Variants in CLASP1 observed in about 807,000 individuals in gnomAD.
The protein encoded by CLASP1 is cytoplasmic linker associated protein 1.
CLASP1 carries 38 observed loss-of-function variants against 192.3 expected under a neutral mutation model. The ratio of observed to expected loss-of-function variants is 0.20; its 90% CI spans 0.15 to 0.26. The LOEUF (loss-of-function observed/expected upper bound fraction) is 0.26. CLASP1 is among the 10% of genes least tolerant of loss of function. The probability of loss-of-function intolerance (pLI) is 1.00; values close to 1 mark genes in which losing one functional copy is unlikely to be tolerated. For synonymous variants in CLASP1, 691 were observed against 712.8 expected, an observed-to-expected ratio of 0.97 and a Z score of 0.49; for missense variants, 1,433 against 1,932.5, an observed-to-expected ratio of 0.74 and a Z score of 4.85.
exon 19 of CLASP1, chr2:121,447,410 T>G: frequency 6.4e-7 from 1 of 1,574,446 alleles, no homozygotes; most frequent in Non-Finnish European, 8.6e-7. Context: ...ATGAGGAGAC[T>G]TTGGATTTGG....
At chr2:121,414,356 G>A (rs527418243) in intron 23 of CLASP1, among the ~76,000 whole-genome samples, 153 bp from the exon 24 acceptor site, 1 of 152,298 alleles carries the variant, frequency 6.6e-6, no homozygotes, top group South Asian at 2.1e-4. Context: ...TGGACAGCAA[G>A]TGCCAATCCC....
intron 2 of CLASP1, among the ~76,000 whole-genome samples, chr2:121,580,621 G>A (rs1365188101): frequency 6.6e-6 from 1 of 152,102 alleles, no homozygotes; most frequent in Admixed American, 6.6e-5. Context: ...AACTACACTT[G>A]CTGCAGAGTG....
At chr2:121,503,071 C>T in intron 8 of CLASP1, 96 bp downstream of exon 8, 2 of 773,500 alleles carry the variant, frequency 2.6e-6, no homozygotes, top group Non-Finnish European at 4.2e-6. Flanking sequence ...CTTAGAAACT[C>T]TTACTAAATT....
chr2:121,598,102 T>A (rs2063354846), intron 2 of CLASP1, among the ~76,000 whole-genome samples: 1 of 152,222 alleles, frequency 6.6e-6, no homozygotes, highest in Non-Finnish European at 1.5e-5. Flanking sequence ...TTATTTTTAT[T>A]ATTTAATGTC....
intron 8 of CLASP1, among the ~76,000 whole-genome samples, chr2:121,497,383 A>C (rs1271580724): frequency 6.6e-6 from 1 of 152,216 alleles, no homozygotes; most frequent in Non-Finnish European, 1.5e-5. Context: ...TTTGTCTTTC[A>C]GCCAGAAGTA....
Position 121,456,624 on chromosome 2 carries a change from G to A in CLASP1, c.1385+1063C>T, listed in dbSNP as rs189565549. ...AAGGAAAGAAAATTTTTAAAAAGGCGGTCTCTGGCCAATTTGTTAAAAATA... is the reference window on the plus strand; with the variant it reads ...AAGGAAAGAAAATTTTTAAAAAGGCAGTCTCTGGCCAATTTGTTAAAAATA... On this transcript the variant is annotated intron_variant, in intron 14 of 39. Coordinates refer to ENST00000263710, the Ensembl canonical transcript of CLASP1. 2.3e-3 allele frequency among the ~76,000 whole-genome samples: 352 copies of A among 151,930 alleles called. 1 individual carries two copies. Among genetic ancestry groups the A allele is most frequent in the African/African-American group, 7.3e-3 (303 of 41,440 alleles).
At chr2:121,407,412 C>T (rs535097983) in intron 25 of CLASP1, 59 bp downstream of exon 26, 4 of 1,592,876 alleles carry the variant, frequency 2.5e-6, no homozygotes, top group Non-Finnish European at 3.4e-6. Context: ...TCCCTTTAAA[C>T]CCCTGAAGAG....
At chr2:121,647,156 T>C (rs2073329313) in intron 1 of CLASP1, among the ~76,000 whole-genome samples, 2 of 150,700 alleles carry the variant, frequency 1.3e-5, no homozygotes, top group Non-Finnish European at 2.9e-5. Context: ...TCACAGGAGG[T>C]CAGGAGTTCA....
At chr2:121,525,408 A>G (rs1308073949) in intron 6 of CLASP1, among the ~76,000 whole-genome samples, 1 of 152,084 alleles carries the variant, frequency 6.6e-6, no homozygotes, top group African/African-American at 2.4e-5. Context: ...CCACCCCCCA[A>G]AGCAAAATGT....
At chr2:121,633,874 G>T (rs545659231) in intron 1 of CLASP1, among the ~76,000 whole-genome samples, 4 of 152,194 alleles carry the variant, frequency 2.6e-5, no homozygotes, top group African/African-American at 9.6e-5. Context: ...AGGCGTGGTG[G>T]TGGGCACCTG....
intron 2 of CLASP1, among the ~76,000 whole-genome samples, chr2:121,568,936 T>C (rs1270767262): frequency 6.6e-6 from 1 of 152,082 alleles, no homozygotes; most frequent in Admixed American, 6.5e-5. Context: ...CCTCTGGCTG[T>C]CCTGAGCTGG....
At chr2:121,348,582 T>C (rs752955672) in exon 38 of CLASP1, 19 of 1,613,732 alleles carry the variant, frequency 1.2e-5, no homozygotes, top group East Asian at 6.7e-5. Flanking sequence ...CTCGACGACT[T>C]TGGTCTGCAT....
intron 2 of CLASP1, among the ~76,000 whole-genome samples, chr2:121,538,653 G>A (rs1338123362): frequency 6.6e-6 from 1 of 151,748 alleles, no homozygotes; most frequent in African/African-American, 2.4e-5. Flanking sequence ...AGGCATGGCA[G>A]TGGGCACCTG....
chr2:121,554,504 C>T (rs375379635), intron 2 of CLASP1, among the ~76,000 whole-genome samples: 1 of 150,178 alleles, frequency 6.7e-6, no homozygotes, highest in African/African-American at 2.5e-5. Flanking sequence ...GTGGCACTTG[C>T]CTGTGGTCCC....
exon 19 of CLASP1, chr2:121,447,390 G>T (rs758253235): frequency 6.3e-7 from 1 of 1,583,032 alleles, no homozygotes; most frequent in Non-Finnish European, 8.6e-7. Flanking sequence ...GAAAGGCGTC[G>T]TGCCCGAAGA....
intron 19 of CLASP1, among the ~76,000 whole-genome samples, chr2:121,439,726 C>T (rs1488653182): frequency 6.6e-6 from 1 of 151,362 alleles, no homozygotes; most frequent in Non-Finnish European, 1.5e-5. Context: ...AAATGTGGCA[C>T]ATATATACCA....
In CLASP1 at chr2:121,586,046, T is replaced by A. The variant is rs76348145; in HGVS notation, c.195+19655A>T. On this transcript the variant is annotated intron_variant, in intron 2 of 39. Transcript: ENST00000263710. ...CTCTACTTGCTCCTTTAGTTAAAGA[T>A]AACAGACATGGGCAGAAAGAAACAA... is the stretch of plus-strand genomic sequence containing the variant. 5.5e-3 allele frequency among the ~76,000 whole-genome samples: 843 copies of A among 152,282 alleles called. 7 individuals carry two copies. The highest frequency in any genetic ancestry group is 0.019 in the African/African-American group (802 of 41,572).
chr2:121,530,405 A>G, intron 2 of CLASP1, 80 bp from the exon 3 acceptor site: 1 of 1,146,218 alleles, frequency 8.7e-7, no homozygotes. Context: ...GGGGAGGCCT[A>G]GACATTTCCG....
chr2:121,425,092 T>C, intron 22 of CLASP1, 47 bp downstream of exon 22: 2 of 1,545,418 alleles, frequency 1.3e-6, no homozygotes, highest in Non-Finnish European at 1.8e-6. Context: ...TAATCAAAAC[T>C]ATGACCAAGC....
Sources: gnomAD v4.1 joint callset for allele counts (sites outside exome capture counted in the v4.1 genomes callset) on GRCh38, gnomAD v4.1.1 for gene constraint, MANE v1.5 for transcripts, NCBI Gene and HGNC (gene_info 2026-07-23, HGNC 2026-07-21) for gene names.